Variants in FRK observed in about 807,000 individuals in gnomAD.
FRK encodes tyrosine-protein kinase FRK.
FRK carries 51 observed loss-of-function variants against 56.4 expected under a neutral mutation model. That is an observed-to-expected ratio of 0.90 (90% CI 0.72 to 1.14). FRK has a LOEUF of 1.14. Ranked by LOEUF, FRK falls within the 50% of genes most tolerant of loss-of-function variation. The pLI is 0.00. For synonymous variants in FRK, 245 were observed against 217.9 expected, an observed-to-expected ratio of 1.12 and a Z score of -1.10; for missense variants, 570 against 601.4, an observed-to-expected ratio of 0.95 and a Z score of 0.55.
intron 3 of FRK, among the ~76,000 whole-genome samples, 155 bp downstream of exon 3, chr6:115,968,421 T>C (rs1355380931): frequency 2.0e-5 from 3 of 152,126 alleles, no homozygotes; most frequent in Non-Finnish European, 4.4e-5. Context: ...CAAGCATACG[T>C]CAGTGTGAGC....
intron 1 of FRK, among the ~76,000 whole-genome samples, chr6:116,010,299 G>A (rs950898200): frequency 3.3e-5 from 5 of 152,066 alleles, no homozygotes; most frequent in African/African-American, 1.2e-4. Flanking sequence ...AATGACAGAG[G>A]AGTTTCACTT....
the FRK span, among the ~76,000 whole-genome samples, chr6:116,072,653 C>T: frequency 3.3e-5 from 5 of 151,988 alleles, no homozygotes; most frequent in African/African-American, 4.8e-5. Flanking sequence ...GATCTATTAG[C>T]CTGCATTGTT....
chr6:116,039,301 G>A, intron 1 of FRK: 1 of 1,446,664 alleles, frequency 6.9e-7, no homozygotes. Context: ...GGCCCAGGAA[G>A]TACACGAGAA....
At chr6:116,042,889 A>G (rs887957729) in intron 1 of FRK, among the ~76,000 whole-genome samples, 4 of 152,194 alleles carry the variant, frequency 2.6e-5, no homozygotes. Context: ...GAATGGGGGA[A>G]TATTTACCAA....
intron 1 of FRK, among the ~76,000 whole-genome samples, chr6:116,037,824 A>C (rs201914092): frequency 1.7e-5 from 2 of 117,324 alleles, no homozygotes; most frequent in South Asian, 2.8e-4. Context: ...TTTTCTTTTG[A>C]TTGTTTTCTC....
chr6:116,017,694 G>T (rs1449126721), intron 1 of FRK, among the ~76,000 whole-genome samples: 1 of 152,180 alleles, frequency 6.6e-6, no homozygotes, highest in Non-Finnish European at 1.5e-5. Context: ...CGGAGGTAGA[G>T]CTCAGGATGC....
At chr6:116,002,743 A>G (rs764796284) in intron 2 of FRK, 1 of 455,492 alleles carries the variant, frequency 2.2e-6, no homozygotes, top group South Asian at 1.6e-5. Context: ...GGAGTACCAC[A>G]TTGTCTCAGT....
chr6:116,049,518 CTT>C (rs1372654896), intron 1 of FRK, among the ~76,000 whole-genome samples: 3 of 152,158 alleles, frequency 2.0e-5, no homozygotes, highest in Non-Finnish European at 2.9e-5. Flanking sequence ...CAATCAAAGA[CTT>C]TACAGCCTCA....
rs929080537 is a variant in FRK, at chr6:115,932,172, A to G, written c.*10242T>C. ...AAGGCTTTTGAAATTCAGGGTTTATATACTACTTTGTTCTCCAGTATATTT... is the reference window on the plus strand; with the variant it reads ...AAGGCTTTTGAAATTCAGGGTTTATGTACTACTTTGTTCTCCAGTATATTT... On this transcript the variant is annotated 3_prime_UTR_variant, in exon 8 of 8. Coordinates refer to ENST00000606080, the MANE Select transcript of FRK (RefSeq NM_002031.3). 4 of 69,492 alleles carry G rather than the reference A, an allele frequency of 5.8e-5. No homozygotes were observed. Among genetic ancestry groups the G allele is most frequent in the African/African-American group, 1.9e-4 (3 of 15,664 alleles). The allele number at this position is 69,492 out of a possible 1,614,324, so 4.3% of individuals were successfully genotyped here.
intron 1 of FRK, among the ~76,000 whole-genome samples, chr6:116,029,869 C>T (rs1776236430): frequency 6.6e-6 from 1 of 152,110 alleles, no homozygotes; most frequent in African/African-American, 2.4e-5. Flanking sequence ...ATATTGTGCC[C>T]TTAATCCCTT....
rs564347133 is a variant in FRK, at chr6:116,024,585, G to C, written c.345-20587C>G. ...CCAACTTCATCCATGTCCCTACAAA[G>C]GACATGAACTCATCATTTTTTATGG... On this transcript the variant is annotated intron_variant, in intron 1 of 7. Transcript: ENST00000606080. Among the ~76,000 whole-genome samples, 36 of 152,138 alleles carry C rather than the reference G, an allele frequency of 2.4e-4. No individual in the cohort carries two copies. In the South Asian group the frequency reaches 7.5e-3, roughly 32 times the overall value.
the FRK span, among the ~76,000 whole-genome samples, chr6:116,073,144 T>C: frequency 4.6e-5 from 7 of 152,180 alleles, no homozygotes; most frequent in Non-Finnish European, 8.8e-5. Flanking sequence ...GTCACACTGG[T>C]ATATCAAGGT....
rs576919414 is a variant in FRK at position 116,037,225 on chromosome 6, G to A, written c.344+22743C>T. 2.0e-4 allele frequency among the ~76,000 whole-genome samples: 31 copies of A among 152,004 alleles called. No individual in the cohort carries two copies. The South Asian group carries it at 6.2e-3, about 31-fold the overall frequency. On this transcript the variant is annotated intron_variant, in intron 1 of 7. Coordinates refer to ENST00000606080, the MANE Select transcript of FRK (RefSeq NM_002031.3). Reference sequence around the variant, plus strand: ...AGATTTTTTATATTACTATTAAGTTGCTTTAACAAATTTAATTTTAGGTCC... The same window carrying A: ...AGATTTTTTATATTACTATTAAGTTACTTTAACAAATTTAATTTTAGGTCC...
intron 5 of FRK, among the ~76,000 whole-genome samples, chr6:115,952,535 C>T (rs1772806735): frequency 6.6e-6 from 1 of 151,772 alleles, no homozygotes; most frequent in Non-Finnish European, 1.5e-5. Context: ...GGATCTAGAA[C>T]TAGAAATACC....
At chr6:116,093,260 A>C in the FRK span, among the ~76,000 whole-genome samples, 3 of 150,988 alleles carry the variant, frequency 2.0e-5, no homozygotes, top group Non-Finnish European at 4.4e-5. Context: ...GACCAAAAAA[A>C]CCCCCGGGCT....
chr6:116,017,056 C>T (rs922750826), intron 1 of FRK, among the ~76,000 whole-genome samples: 3 of 152,288 alleles, frequency 2.0e-5, no homozygotes, highest in East Asian at 3.9e-4. Context: ...TAGTTTACTG[C>T]TTGCTCCTGC....
chr6:115,933,649 C>G lies in FRK; in HGVS notation c.*8765G>C, dbSNP rs1771995216. ...TTATTAGCTACCAAAAAGAAACAAA[C>G]TATATAGTGGCTGAATTTGCATATT... On this transcript the variant is annotated 3_prime_UTR_variant, in exon 8 of 8. Coordinates refer to ENST00000606080, the MANE Select transcript of FRK (RefSeq NM_002031.3). 3 of 152,222 alleles carry G rather than the reference C, an allele frequency of 2.0e-5. No individual in the cohort carries two copies. The South Asian group carries it at 6.2e-4, about 32-fold the overall frequency. The allele number at this position is 152,222 out of a possible 1,614,324, so 9.4% of individuals were successfully genotyped here.
the FRK span, among the ~76,000 whole-genome samples, chr6:116,099,398 A>C: frequency 6.6e-6 from 1 of 152,246 alleles, no homozygotes; most frequent in African/African-American, 2.4e-5. Flanking sequence ...ATGCACCTGG[A>C]AGTTTGACTT....
the FRK span, among the ~76,000 whole-genome samples, chr6:116,085,099 C>T: frequency 6.6e-6 from 1 of 151,836 alleles, no homozygotes; most frequent in Non-Finnish European, 1.5e-5. Flanking sequence ...GTGTGGGTGA[C>T]AAGAACATCA....
Sources: allele counts gnomAD v4.1 joint callset (sites outside exome capture counted in the v4.1 genomes callset), GRCh38; gene constraint gnomAD v4.1.1; transcripts MANE v1.5; gene names NCBI Gene and HGNC (gene_info 2026-07-23, HGNC 2026-07-21).